The following MTREX variants were observed in gnomAD, a reference collection of about 807,000 sequenced individuals.
MTREX encodes the protein Mtr4 exosome RNA helicase.
In MTREX, 76 loss-of-function variants were observed where a neutral mutation model predicts 135.4. The observed-to-expected ratio is 0.56, with a 90% CI of 0.47 to 0.68. The LOEUF is 0.68. MTREX is among the 30% of genes least tolerant of loss of function. The pLI, the probability that MTREX is intolerant of heterozygous loss-of-function variation, is 0.00. For missense variants in MTREX, 920 were observed against 1,262.1 expected, an observed-to-expected ratio of 0.73 and a Z score of 4.11; for synonymous variants, 404 against 401.6, an observed-to-expected ratio of 1.01 and a Z score of -0.07.
At chr5:55,308,267 A>AT in intron 1 of MTREX, 120 bp downstream of exon 1, 1 of 1,235,514 alleles carries the variant, frequency 8.1e-7, no homozygotes, top group Non-Finnish European at 1.1e-6. Flanking sequence ...TTGGAAGTGA[A>AT]GGGGTTCCAG....
chr5:55,344,831 T>A (rs887548186), intron 9 of MTREX, among the ~76,000 whole-genome samples: 6 of 152,168 alleles, frequency 3.9e-5, no homozygotes, highest in Admixed American at 1.3e-4. Context: ...GAATCAGATT[T>A]CCCTCCTTTC....
chr5:55,315,661 G>A (rs1465488214), intron 1 of MTREX, among the ~76,000 whole-genome samples: 2 of 152,114 alleles, frequency 1.3e-5, no homozygotes, highest in Non-Finnish European at 2.9e-5. Flanking sequence ...CTGAGTATAT[G>A]TGTACTTCAT....
At chr5:55,331,519 C>T (rs1397373325) in intron 5 of MTREX, among the ~76,000 whole-genome samples, 1 of 152,140 alleles carries the variant, frequency 6.6e-6, no homozygotes, top group Non-Finnish European at 1.5e-5. Context: ...TTCTGCCAGT[C>T]GTGTATAAGA....
intron 16 of MTREX, among the ~76,000 whole-genome samples, chr5:55,369,454 G>C (rs1223276170): frequency 6.6e-6 from 1 of 152,054 alleles, no homozygotes; most frequent in Non-Finnish European, 1.5e-5. Flanking sequence ...CCTTTGTTTT[G>C]TTTCTTTTTC....
chr5:55,308,227 A>G, intron 1 of MTREX, 80 bp downstream of exon 1: 2 of 1,471,654 alleles, frequency 1.4e-6, no homozygotes, highest in Non-Finnish European at 1.8e-6. Flanking sequence ...TAGGAAGAGC[A>G]CGAGAAAGTG....
intron 15 of MTREX, among the ~76,000 whole-genome samples, chr5:55,365,655 A>G (rs1750090021): frequency 6.6e-6 from 1 of 152,222 alleles, no homozygotes; most frequent in Non-Finnish European, 1.5e-5. Flanking sequence ...TCTTATTTAA[A>G]TAACTACACA....
Position 55,378,301 on chromosome 5 carries a change from G to C in MTREX, c.1811-13G>C. On this transcript the variant is annotated splice_polypyrimidine_tract_variant and intron_variant, in intron 16 of 26. Transcript: ENST00000230640. ...TATAACCTTTTAATTTTGTACATGT[G>C]TTCTATTTACAGAGGTAAAGAATTC... 5 of 1,571,664 alleles carry C rather than the reference G, an allele frequency of 3.2e-6. No individual in the cohort carries two copies. Among genetic ancestry groups the C allele is most frequent in the Non-Finnish European group, 4.3e-6 (5 of 1,166,132 alleles).
chr5:55,343,864 AAC>A (rs1749690143), intron 8 of MTREX, among the ~76,000 whole-genome samples: 1 of 152,132 alleles, frequency 6.6e-6, no homozygotes, highest in Non-Finnish European at 1.5e-5. Flanking sequence ...TTCTCATGTA[AAC>A]ACAGACTTTT....
rs757796370 is a variant in MTREX, at chr5:55,410,509, GT to G, written c.2646-11del. The G allele has an allele frequency of 4.8e-5, 60 of 1,239,832 alleles. No homozygotes were observed. The highest frequency in any genetic ancestry group is 2.0e-4 in the East Asian group (8 of 40,668). The allele number at this position is 1,239,832 out of a possible 1,614,324, so 76.8% of individuals were successfully genotyped here. A position where few individuals can be genotyped will look rare whatever the true frequency, so the allele number is the denominator to read the frequency against. On this transcript the variant is annotated splice_polypyrimidine_tract_variant and intron_variant, in intron 22 of 26. Transcript: ENST00000230640. Reference sequence around the variant, plus strand: ...TTATATTCTGACATTTTATTCTTTTGTTTTGCCATTGTAGTGCTGATGAGCT... The same window carrying G: ...TTATATTCTGACATTTTATTCTTTTGTTTGCCATTGTAGTGCTGATGAGCT...
rs140818971 is a variant in MTREX, at chr5:55,313,510, C to G, written c.134+5363C>G. Among the ~76,000 whole-genome samples, 665 of 152,234 alleles carry G rather than the reference C, an allele frequency of 4.4e-3. 1 individual carries two copies. Among genetic ancestry groups the G allele is most frequent in the Admixed American group, 8.0e-3 (122 of 15,290 alleles). ...TTAAACTTTTTCTTATATATACTTA[C>G]AATAGTTTAAAAATAATTTTGCAAT... is the stretch of plus-strand genomic sequence containing the variant. On this transcript the variant is annotated intron_variant, in intron 1 of 26. Coordinates refer to ENST00000230640, the MANE Select transcript of MTREX (RefSeq NM_015360.5).
intron 11 of MTREX, among the ~76,000 whole-genome samples, chr5:55,348,075 C>T (rs1460926245): frequency 6.6e-6 from 1 of 152,148 alleles, no homozygotes; most frequent in African/African-American, 2.4e-5. Flanking sequence ...GGACACAGAG[C>T]CAAACCATAT....
chr5:55,312,305 G>A (rs1462388609), intron 1 of MTREX, among the ~76,000 whole-genome samples: 1 of 152,148 alleles, frequency 6.6e-6, no homozygotes, highest in Non-Finnish European at 1.5e-5. Flanking sequence ...AATGAGTTGT[G>A]CCCTAAGGAA....
rs1332713840 is a variant in MTREX at position 55,400,355 on chromosome 5, T to C, written c.2415T>C (p.Tyr805=). 2 of 1,613,430 alleles carry C rather than the reference T, an allele frequency of 1.2e-6. No homozygotes were observed. Among genetic ancestry groups the C allele is most frequent in the African/African-American group, 1.3e-5 (1 of 74,898 alleles). The change falls in exon 21 of 27, where the codon TAT becomes TAC. Residue 805 remains tyrosine, a synonymous_variant. Coordinates refer to ENST00000230640, the MANE Select transcript of MTREX (RefSeq NM_015360.5). ...QKVEAFEHRM[Y]SHPLHNDPNL... ...TAGAAGCTTTTGAGCATCGAATGTA[T>C]TCTCATCCACTTCACAATGATCCAA...
At chr5:55,370,050 A>G (rs1750171360) in intron 16 of MTREX, among the ~76,000 whole-genome samples, 1 of 151,818 alleles carries the variant, frequency 6.6e-6, no homozygotes, top group Admixed American at 6.6e-5. Context: ...CAGCCTCTCA[A>G]GTAGCTGGGA....
intron 7 of MTREX, among the ~76,000 whole-genome samples, chr5:55,342,673 C>G (rs962153913): frequency 1.3e-5 from 2 of 152,140 alleles, no homozygotes; most frequent in African/African-American, 4.8e-5. Flanking sequence ...TAAACTAGCT[C>G]ACTAAATCAG....
At chr5:55,351,152 TAATG>T in intron 13 of MTREX, 123 bp downstream of exon 13, 1 of 1,153,958 alleles carries the variant, frequency 8.7e-7, no homozygotes, top group Non-Finnish European at 1.1e-6. Flanking sequence ...ATGACTTAAA[TAATG>T]AACTTAATTT....
intron 18 of MTREX, among the ~76,000 whole-genome samples, chr5:55,385,966 A>G (rs929300882): frequency 6.6e-6 from 1 of 152,060 alleles, no homozygotes; most frequent in Admixed American, 6.6e-5. Context: ...TTCTGTTTCT[A>G]TTGATGGTGA....
intron 5 of MTREX, among the ~76,000 whole-genome samples, chr5:55,335,631 T>C (rs1234385705): frequency 1.3e-5 from 2 of 152,098 alleles, no homozygotes; most frequent in South Asian, 2.1e-4. Flanking sequence ...CTTTGTTATA[T>C]CTTTACACTA....
At chr5:55,325,658 G>T (rs902524212) in intron 3 of MTREX, among the ~76,000 whole-genome samples, 4 of 151,958 alleles carry the variant, frequency 2.6e-5, no homozygotes, top group African/African-American at 9.7e-5. Context: ...CCATGTGCAG[G>T]TTTGTTACAT....
Sources: gnomAD v4.1 joint callset for allele counts (sites outside exome capture counted in the v4.1 genomes callset) on GRCh38, gnomAD v4.1.1 for gene constraint, MANE v1.5 for transcripts, NCBI Gene and HGNC (gene_info 2026-07-23, HGNC 2026-07-21) for gene names.